Variants in AGBL4 observed in about 807,000 individuals in gnomAD.
AGBL4 encodes the protein cytosolic carboxypeptidase 6.
AGBL4 carries 58 observed loss-of-function variants against 66.4 expected under a neutral mutation model. That is an observed-to-expected ratio of 0.87 (90% CI 0.71 to 1.09). AGBL4 has a LOEUF of 1.09. Ranked by LOEUF, AGBL4 falls within the 50% of genes least tolerant of loss-of-function variation. AGBL4 has a pLI of 0.00. For missense variants in AGBL4, 579 were observed against 631.0 expected (o/e 0.92, Z 0.88); for synonymous variants, 234 against 222.9 (o/e 1.05, Z -0.44).
At chr1:48,559,160 A>G in intron 11 of AGBL4, among the ~76,000 whole-genome samples, 1 of 152,174 alleles carries the variant, frequency 6.6e-6, no homozygotes, top group East Asian at 1.9e-4. Context: ...TTTGCATTAC[A>G]ATGTTTTTAT....
intron 3 of AGBL4, among the ~76,000 whole-genome samples, chr1:49,353,106 A>G (rs1016169813): frequency 2.0e-5 from 3 of 152,222 alleles, no homozygotes; most frequent in African/African-American, 7.2e-5. Context: ...AATCTTATAT[A>G]AAGTCATAGA....
rs867312467 is a variant in AGBL4 at position 48,665,355 on chromosome 1, T to C, written c.635-2114A>G. 7.2e-5 allele frequency among the ~76,000 whole-genome samples: 11 copies of C among 152,372 alleles called. No individual in the cohort carries two copies. In the South Asian group the frequency reaches 2.1e-3, roughly 29 times the overall value. On this transcript the variant is annotated intron_variant, in intron 6 of 13. Transcript: ENST00000371839. ...GCAACTTCCATGGGTGTATGGCTAA[T>C]GTCTTTCCCAGGACCCCCTGCATGG... is the stretch of plus-strand genomic sequence containing the variant.
rs1336427097 is a variant in AGBL4, at chr1:49,833,402, T to G, written c.157+17994A>C. On this transcript the variant is annotated intron_variant, in intron 2 of 13. Transcript: ENST00000371839. ...TGCTGTTTTGGTTACTGTAGCCTTG[T>G]AGTATAGTTTGAAGTCAGGTAGCAT... 2.0e-5 allele frequency among the ~76,000 whole-genome samples: 3 copies of G among 152,160 alleles called. No homozygotes were observed. In the South Asian group the frequency reaches 6.2e-4, roughly 32 times the overall value.
chr1:48,867,334 A>G (rs898456905), intron 5 of AGBL4, 104 bp from the exon 6 acceptor site: 2 of 1,127,114 alleles, frequency 1.8e-6, no homozygotes, highest in African/African-American at 1.5e-5. Flanking sequence ...GACATACTGC[A>G]GGGTAAATCA....
At chr1:49,595,182 G>A (rs892651244) in intron 3 of AGBL4, among the ~76,000 whole-genome samples, 71 of 152,172 alleles carry the variant, frequency 4.7e-4, no homozygotes, top group Admixed American at 9.2e-4. Context: ...TCCTCCTACC[G>A]GGTTCACGCC....
chr1:49,137,952 G>T (rs1016707125), intron 4 of AGBL4, among the ~76,000 whole-genome samples: 1 of 152,134 alleles, frequency 6.6e-6, no homozygotes, highest in Admixed American at 6.6e-5. Context: ...AATGACATTT[G>T]AGCAGAAGCT....
At chr1:49,087,866 C>G (rs758215912) in intron 4 of AGBL4, among the ~76,000 whole-genome samples, 19 of 152,156 alleles carry the variant, frequency 1.2e-4, no homozygotes, top group Non-Finnish European at 2.1e-4. Flanking sequence ...GAAAGGGAAC[C>G]TCACCAGGCT....
At chr1:49,806,361 T>A (rs1571607845) in intron 2 of AGBL4, among the ~76,000 whole-genome samples, 1 of 152,222 alleles carries the variant, frequency 6.6e-6, no homozygotes, top group East Asian at 1.9e-4. Flanking sequence ...TAGTATTTTG[T>A]TGAAGTATTT....
chr1:48,564,460 ACT>A (rs148520311), intron 11 of AGBL4, among the ~76,000 whole-genome samples: 9,814 of 150,080 alleles, frequency 0.065, 382 homozygotes, highest in South Asian at 0.093. Context: ...GATGCTCCAC[ACT>A]GTCTTTACCT....
chr1:49,045,715 C>A lies in AGBL4; in HGVS notation c.463G>T (p.Asp155Tyr). Reference protein sequence around the residue: ...NYVMSFAFCFDREEDIYQFAY... With the variant: ...NYVMSFAFCFYREEDIYQFAY... ...AACTGGTAAATATCTTCTTCTCGGT[C>A]AAAACAAAAGGCAAAGGACATCACA... The change falls in exon 5 of 14, where the codon GAC (aspartate) becomes TAC (tyrosine). Residue 155 changes from aspartate (D) to tyrosine (Y), a missense_variant. Physicochemically the swap from Asp to Tyr is radical, Grantham distance 160. Coordinates refer to ENST00000371839, the MANE Select transcript of AGBL4 (RefSeq NM_032785.4). 6.4e-7 allele frequency: 1 copy of A among 1,553,298 alleles called. No homozygotes were observed. The highest frequency in any genetic ancestry group is 1.2e-5 in the South Asian group (1 of 84,142).
intron 6 of AGBL4, among the ~76,000 whole-genome samples, chr1:48,806,629 T>C (rs1645930137): frequency 6.6e-6 from 1 of 152,206 alleles, no homozygotes; most frequent in Admixed American, 6.5e-5. Flanking sequence ...TCTTTCTTTG[T>C]TGTAGAACAG....
chr1:49,290,998 G>GA (rs1282375600), intron 3 of AGBL4, among the ~76,000 whole-genome samples: 1 of 151,928 alleles, frequency 6.6e-6, no homozygotes, highest in Admixed American at 6.6e-5. Flanking sequence ...ACAGAGCGAG[G>GA]AAAAAAATAG....
intron 6 of AGBL4, among the ~76,000 whole-genome samples, chr1:48,817,016 C>A (rs923722242): frequency 6.6e-6 from 1 of 151,998 alleles, no homozygotes; most frequent in African/African-American, 2.4e-5. Flanking sequence ...CCAACATGTG[C>A]AAAAGCCTGG....
At chr1:49,954,991 C>T (rs1042957000) in intron 1 of AGBL4, among the ~76,000 whole-genome samples, 1 of 151,856 alleles carries the variant, frequency 6.6e-6, no homozygotes, top group Non-Finnish European at 1.5e-5. Flanking sequence ...ACCCAATTCT[C>T]ATCTCAAAGA....
chr1:49,262,964 A>G (rs980336401), intron 3 of AGBL4, among the ~76,000 whole-genome samples: 2 of 152,252 alleles, frequency 1.3e-5, no homozygotes, highest in African/African-American at 4.8e-5. Flanking sequence ...ACCATGGAAT[A>G]CTATGCAGCC....
chr1:49,226,235 A>G (rs1209129252), intron 4 of AGBL4, among the ~76,000 whole-genome samples: 1 of 152,248 alleles, frequency 6.6e-6, no homozygotes, highest in African/African-American at 2.4e-5. Context: ...TCAGATGCAA[A>G]ACAGCAAAAT....
At chr1:49,855,586 G>T (rs1257677188) in intron 1 of AGBL4, among the ~76,000 whole-genome samples, 3 of 151,902 alleles carry the variant, frequency 2.0e-5, no homozygotes, top group Non-Finnish European at 4.4e-5. Flanking sequence ...AACTGGAAAT[G>T]AATAACAAGA....
intron 2 of AGBL4, among the ~76,000 whole-genome samples, chr1:49,802,830 C>T (rs190950104): frequency 6.6e-6 from 1 of 152,302 alleles, no homozygotes; most frequent in East Asian, 1.9e-4. Context: ...AGCCCCATTG[C>T]ATTGTGGGCT....
At chr1:49,860,711 A>G (rs1297393187) in intron 1 of AGBL4, among the ~76,000 whole-genome samples, 2 of 152,068 alleles carry the variant, frequency 1.3e-5, no homozygotes, top group Non-Finnish European at 2.9e-5. Context: ...AAATAGTAAT[A>G]AGGAGGCAGA....
Sources: gnomAD v4.1 joint callset for allele counts (sites outside exome capture counted in the v4.1 genomes callset) on GRCh38, gnomAD v4.1.1 for gene constraint, MANE v1.5 for transcripts, NCBI Gene and HGNC (gene_info 2026-07-23, HGNC 2026-07-21) for gene names.